The following UVSSA variants were observed in gnomAD, a reference collection of about 807,000 sequenced individuals.
The protein encoded by UVSSA is UV-stimulated scaffold protein A.
A neutral mutation model predicts 73.9 loss-of-function variants in UVSSA; 72 were observed. That is an observed-to-expected ratio of 0.97 (90% CI 0.81 to 1.19). The LOEUF (loss-of-function observed/expected upper bound fraction) is 1.19. Among genes scored for constraint, UVSSA ranks in the 50% most tolerant of loss-of-function variants. The pLI, the probability that UVSSA is intolerant of heterozygous loss-of-function variation, is 0.00. For missense variants in UVSSA, 1,150 were observed against 965.0 expected, an observed-to-expected ratio of 1.19 and a Z score of -2.54; for synonymous variants, 454 against 391.3, an observed-to-expected ratio of 1.16 and a Z score of -1.89.
At chr4:1,342,286 C>T (rs1713459370), upstream of UVSSA, among the ~76,000 whole-genome samples, 1 of 152,176 alleles carries the variant, frequency 6.6e-6, no homozygotes, top group Non-Finnish European at 1.5e-5. Context: ...GTTAGTCATT[C>T]AGGTGGGTGT....
chr4:1,366,382 G>A lies in UVSSA; in HGVS notation c.1239G>A (p.Glu413=). The change falls in exon 8 of 14, where the codon GAG becomes GAA. Residue 413 remains glutamate, a synonymous_variant. Coordinates refer to ENST00000389851, the MANE Select transcript of UVSSA (RefSeq NM_020894.4). The part of the protein sequence containing the change: ...EDDEDFVEVP[E]KEGYEPHIPD... ...ATGAGGACTTTGTGGAGGTCCCTGA[G>A]AAGGAGGGGTATGAGCCACACATCC... 1 of 1,613,622 alleles carries A rather than the reference G, an allele frequency of 6.2e-7. No homozygotes were observed. Among genetic ancestry groups the A allele is most frequent in the Non-Finnish European group, 8.5e-7 (1 of 1,179,768 alleles).
In UVSSA at chr4:1,375,370, A is replaced by C. The variant is rs1269887158; in HGVS notation, c.1295A>C (p.Glu432Ala). The C allele has an allele frequency of 6.2e-7, 1 of 1,613,408 alleles. No homozygotes were observed. The highest frequency in any genetic ancestry group is 2.2e-5 in the East Asian group (1 of 44,868). The change falls in exon 9 of 14, where the codon GAG becomes GCG. Residue 432 changes from glutamate to alanine, a missense_variant. Physicochemically the swap from Glu to Ala is moderately radical, Grantham distance 107 (BLOSUM62 -1). Coordinates refer to ENST00000389851, the MANE Select transcript of UVSSA (RefSeq NM_020894.4). ...PDHLRPEYGL[E>A]AAPEKDTVVR... is the part of the protein sequence containing the mutation. ...GGACACGTGTCTGTTTCAGGGCTGG[A>C]GGCAGCACCAGAGAAAGACACAGTT... is the stretch of plus-strand genomic sequence containing the variant.
Position 1,366,315 on chromosome 4 carries a change from CACAG to C in UVSSA, c.1178_1181del. On this transcript the variant is annotated splice_acceptor_variant and splice_polypyrimidine_tract_variant and intron_variant, in intron 7 of 13. Transcript: ENST00000389851. LOFTEE classifies it high-confidence loss of function. ...GTTGATTTGTATTGGGGTGTTTTTC[CACAG>C]ACAGAAGCCCTGGGGGATGCGGAGG... is the stretch of plus-strand genomic sequence containing the variant. The C allele has an allele frequency of 6.2e-7, 1 of 1,606,880 alleles. No homozygotes were observed. The highest frequency in any genetic ancestry group is 8.5e-7 in the Non-Finnish European group (1 of 1,176,464).
intron 5 of UVSSA, among the ~76,000 whole-genome samples, chr4:1,354,063 C>T (rs1386855461): frequency 6.6e-6 from 1 of 152,230 alleles, no homozygotes; most frequent in African/African-American, 2.4e-5. Context: ...GAACCTTCTT[C>T]TTTGGAAGCA....
chr4:1,346,147 C>T (rs1713655930), upstream of UVSSA, among the ~76,000 whole-genome samples: 1 of 152,144 alleles, frequency 6.6e-6, no homozygotes, highest in Non-Finnish European at 1.5e-5. Context: ...TCTTCTTTTC[C>T]TTTTTAAAAT....
chr4:1,347,061 G>A (rs1163607158), upstream of UVSSA, among the ~76,000 whole-genome samples: 1 of 152,180 alleles, frequency 6.6e-6, no homozygotes, highest in East Asian at 1.9e-4. Context: ...GTGGGGCAAC[G>A]GCGAGAAAGG....
downstream of UVSSA, chr4:1,388,746 C>T (rs924744549): frequency 1.3e-5 from 2 of 152,170 alleles, no homozygotes; most frequent in Admixed American, 6.5e-5. Flanking sequence ...TATAGTGATA[C>T]AGTATATTAC....
At chr4:1,370,295 C>T (rs1321848817) in intron 8 of UVSSA, among the ~76,000 whole-genome samples, 1 of 152,158 alleles carries the variant, frequency 6.6e-6, no homozygotes, top group Non-Finnish European at 1.5e-5. Flanking sequence ...GCTGACAGCC[C>T]GTATCTGTGT....
In UVSSA at chr4:1,387,438, A is replaced by G. The variant is rs1432344849; in HGVS notation, c.*1477A>G. 1 of 152,238 alleles carries G rather than the reference A, an allele frequency of 6.6e-6. No homozygotes were observed. Among genetic ancestry groups the G allele is most frequent in the Non-Finnish European group, 1.5e-5 (1 of 68,042 alleles). 9.4% of individuals were successfully genotyped at this position (152,238 alleles called of 1,614,324 possible). ...TTCTGGATAGTGTCCTCTGAAGCAC[A>G]AAAGTTAATTTTGATGAAGTACAGC... is the stretch of plus-strand genomic sequence containing the variant. On this transcript the variant is annotated 3_prime_UTR_variant, in exon 14 of 14. Transcript: ENST00000389851.
chr4:1,366,390 G>T lies in UVSSA; in HGVS notation c.1247G>T (p.Gly416Val), dbSNP rs749813191. The change falls in exon 8 of 14, where the codon GGG becomes GTG. Residue 416 changes from glycine to valine, a missense_variant. Coordinates refer to ENST00000389851, the MANE Select transcript of UVSSA (RefSeq NM_020894.4). Reference protein sequence around the residue: ...EDFVEVPEKEGYEPHIPDHLR... With the variant: ...EDFVEVPEKEVYEPHIPDHLR... ...TTTGTGGAGGTCCCTGAGAAGGAGG[G>T]GTATGAGCCACACATCCCCGACCAC... is the stretch of plus-strand genomic sequence containing the variant. 3.1e-6 allele frequency: 5 copies of T among 1,613,628 alleles called. No individual in the cohort carries two copies. Among genetic ancestry groups the T allele is most frequent in the Non-Finnish European group, 4.2e-6 (5 of 1,179,774 alleles).
At position 1,383,525 on chromosome 4, in the gene UVSSA, G is replaced by C. The variant is rs376455000; in HGVS notation, c.1862-241G>C. Among the ~76,000 whole-genome samples the C allele has an allele frequency of 6.6e-4, 100 of 152,262 alleles. 3 individuals carry two copies. In the South Asian group the frequency reaches 0.016, roughly 24 times the overall value. On this transcript the variant is annotated intron_variant, in intron 12 of 13. Transcript: ENST00000389851. ...GGCCTGTGGGGGTGTGGGGCGGTGG[G>C]GGCAAGCTCTGTGTCACCTTCACCC...
intron 12 of UVSSA, among the ~76,000 whole-genome samples, chr4:1,382,971 G>A (rs911906370): frequency 2.6e-5 from 4 of 152,300 alleles, no homozygotes; most frequent in Admixed American, 6.5e-5. Flanking sequence ...TCCCGAGCCC[G>A]ACCAGCACCA....
At position 1,352,874 on chromosome 4, in the gene UVSSA, G is replaced by A. The variant is rs56305256; in HGVS notation, c.551-156G>A. ...GCGGCTGCACTACCTGAGCCTGGAA[G>A]GTCGAGGCTGGGGTGAGCTGTGATT... is the stretch of plus-strand genomic sequence containing the variant. On this transcript the variant is annotated intron_variant, in intron 4 of 13. Coordinates refer to ENST00000389851, the MANE Select transcript of UVSSA (RefSeq NM_020894.4). Among the ~76,000 whole-genome samples the A allele has an allele frequency of 2.4e-3, 363 of 152,382 alleles. 4 individuals are homozygous for A. The highest frequency in any genetic ancestry group is 8.4e-3 in the African/African-American group (351 of 41,592).
At chr4:1,393,373 CAT>C (rs935835924) in exon 14 of UVSSA, 1 of 152,090 alleles carries the variant, frequency 6.6e-6, no homozygotes, top group Non-Finnish European at 1.5e-5. Flanking sequence ...GTTATTTGAA[CAT>C]ATGTGTAGAA....
intron 7 of UVSSA, among the ~76,000 whole-genome samples, chr4:1,363,263 G>A (rs7667152): frequency 0.14 from 21,090 of 152,064 alleles, 2,708 homozygotes; most frequent in East Asian, 0.43. Context: ...GATGCTCACC[G>A]GGACCAGGGT....
In UVSSA at chr4:1,380,865, G is replaced by A; in HGVS notation, c.1753-15G>A. ...ACCCCTCCCCGCCATCAGCCACCGT[G>A]TCCTCGCTGTGCAGTGCCCTTTCCA... On this transcript the variant is annotated splice_polypyrimidine_tract_variant and intron_variant, in intron 11 of 13. Transcript: ENST00000389851. 6.2e-7 allele frequency: 1 copy of A among 1,609,298 alleles called. No individual in the cohort carries two copies. The highest frequency in any genetic ancestry group is 1.7e-4 in the Middle Eastern group (1 of 6,052).
chr4:1,374,196 G>A (rs1227937430), intron 8 of UVSSA, among the ~76,000 whole-genome samples: 1 of 152,236 alleles, frequency 6.6e-6, no homozygotes, highest in Non-Finnish European at 1.5e-5. Context: ...CTGGCCGGCA[G>A]CCCACAGGGG....
At chr4:1,349,975 C>A in intron 3 of UVSSA, 121 bp downstream of exon 3, 1 of 946,112 alleles carries the variant, frequency 1.1e-6, no homozygotes, top group Non-Finnish European at 1.5e-6. Flanking sequence ...CTTGGCCTTG[C>A]CTGAACACCC....
chr4:1,395,984 C>T (rs1720543160), exon 14 of UVSSA: 4 of 1,424,680 alleles, frequency 2.8e-6, no homozygotes, highest in South Asian at 1.4e-5. Context: ...AAAGACAAAC[C>T]TGTGACTCAG....
Sources: gnomAD v4.1 joint callset for allele counts (sites outside exome capture counted in the v4.1 genomes callset) on GRCh38, gnomAD v4.1.1 for gene constraint, MANE v1.5 for transcripts, NCBI Gene and HGNC (gene_info 2026-07-23, HGNC 2026-07-21) for gene names.